Variants in ANKRD60 observed in about 807,000 individuals in gnomAD.
The protein encoded by ANKRD60 is ankyrin repeat domain-containing protein 60.
Under a neutral mutation model 21.3 loss-of-function variants are expected in ANKRD60, and 24 were observed. The ratio of observed to expected loss-of-function variants is 1.13; its 90% CI spans 0.82 to 1.59. The LOEUF is 1.59. Among genes scored for constraint, ANKRD60 ranks in the 40% most tolerant of loss-of-function variants. The pLI, the probability that ANKRD60 is intolerant of heterozygous loss-of-function variation, is 0.00. For synonymous variants in ANKRD60, 182 were observed against 199.4 expected (o/e 0.91, Z 0.74); for missense variants, 490 against 466.7 (o/e 1.05, Z -0.46).
At chr20:58,225,708 C>T (rs1984350392) in intron 1 of ANKRD60, among the ~76,000 whole-genome samples, 1 of 152,188 alleles carries the variant, frequency 6.6e-6, no homozygotes, top group African/African-American at 2.4e-5. Flanking sequence ...CTCCCCAGCC[C>T]CTGCAGTACA....
At chr20:58,221,264 C>T in intron 3 of ANKRD60, 74 bp downstream of exon 3, 1 of 1,459,012 alleles carries the variant, frequency 6.9e-7, no homozygotes. Context: ...GGACTGGGAA[C>T]ACAAGACACT....
intron 1 of ANKRD60, among the ~76,000 whole-genome samples, chr20:58,224,116 G>A (rs1016877249): frequency 6.6e-6 from 1 of 150,938 alleles, no homozygotes; most frequent in Non-Finnish European, 1.5e-5. Flanking sequence ...AAAAAAAAAG[G>A]CTCCAGACAT....
chr20:58,216,553 G>T (rs1984140377), downstream of ANKRD60, among the ~76,000 whole-genome samples: 1 of 152,198 alleles, frequency 6.6e-6, no homozygotes, highest in South Asian at 2.1e-4. Context: ...TATTGACTTT[G>T]CAGAACGTCT....
At chr20:58,222,296 G>A (rs1386163028) in intron 2 of ANKRD60, among the ~76,000 whole-genome samples, 1 of 152,100 alleles carries the variant, frequency 6.6e-6, no homozygotes, top group East Asian at 1.9e-4. Context: ...GCCCCATCCT[G>A]CCTACCCTCC....
chr20:58,228,222 A>C lies in ANKRD60; in HGVS notation c.430+2T>G, dbSNP rs1600686177. On this transcript the variant is annotated splice_donor_variant, in intron 1 of 3. Transcript: ENST00000457363. LOFTEE classifies it high-confidence loss of function. The surrounding 1 kb of genome is among the most constrained non-coding windows in gnomAD (Gnocchi z 5.3). ...CAGGGAAGGAGTCAGGGCAGGAGCC[A>C]CCTTCGTCGAGGTACTGGAGCCGCT... is the stretch of plus-strand genomic sequence containing the variant. 1 of 1,545,730 alleles carries C rather than the reference A, an allele frequency of 6.5e-7. No homozygotes were observed. The highest frequency in any genetic ancestry group is 8.7e-7 in the Non-Finnish European group (1 of 1,143,302).
rs1217460282 is a variant in ANKRD60 at position 58,228,141 on chromosome 20, C to T, written c.430+83G>A. 4 of 1,338,732 alleles carry T rather than the reference C, an allele frequency of 3.0e-6. No homozygotes were observed. In the African/African-American group the frequency reaches 4.5e-5, roughly 15 times the overall value. The allele number at this position is 1,338,732 out of a possible 1,614,324, so 82.9% of individuals were successfully genotyped here. A position where few individuals can be genotyped will look rare whatever the true frequency, so the allele number is the denominator to read the frequency against. On this transcript the variant is annotated intron_variant, in intron 1 of 3. Transcript: ENST00000457363. The surrounding 1 kb of genome is among the most constrained non-coding windows in gnomAD (Gnocchi z 5.3). ...TGACATCTGGGGTTTCTCACGTAAGCAGGCTTCCCTTTGGGAATCCACTTC... is the reference window on the plus strand; with the variant it reads ...TGACATCTGGGGTTTCTCACGTAAGTAGGCTTCCCTTTGGGAATCCACTTC...
At chr20:58,223,222 T>C in intron 1 of ANKRD60, 40 bp from the exon 2 acceptor site, 1 of 1,515,880 alleles carries the variant, frequency 6.6e-7, no homozygotes, top group Non-Finnish European at 8.9e-7. Flanking sequence ...AAATTGGGTA[T>C]TAAAGATAAA....
chr20:58,216,366 T>C (rs930351038), downstream of ANKRD60, among the ~76,000 whole-genome samples: 5 of 152,144 alleles, frequency 3.3e-5, no homozygotes, highest in African/African-American at 1.2e-4. Flanking sequence ...GAATTTTACA[T>C]ATAGGAGTCA....
Position 58,228,140 on chromosome 20 carries a change from G to T in ANKRD60, c.430+84C>A. 7.5e-7 allele frequency: 1 copy of T among 1,335,984 alleles called. No individual in the cohort carries two copies. The highest frequency in any genetic ancestry group is 1.0e-6 in the Non-Finnish European group (1 of 988,488). 82.8% of individuals were successfully genotyped at this position (1,335,984 alleles called of 1,614,324 possible). On this transcript the variant is annotated intron_variant, in intron 1 of 3. Coordinates refer to ENST00000457363, the Ensembl canonical transcript of ANKRD60. The surrounding 1 kb of genome is among the most constrained non-coding windows in gnomAD (Gnocchi z 5.3). ...TTGACATCTGGGGTTTCTCACGTAA[G>T]CAGGCTTCCCTTTGGGAATCCACTT...
chr20:58,222,383 C>T (rs1049334287), intron 2 of ANKRD60, among the ~76,000 whole-genome samples: 1 of 152,230 alleles, frequency 6.6e-6, no homozygotes, highest in African/African-American at 2.4e-5. Context: ...GCCCCTGCTA[C>T]ACCCAGCCTT....
chr20:58,227,846 AC>A (rs2122816020), intron 1 of ANKRD60, among the ~76,000 whole-genome samples: 1 of 151,896 alleles, frequency 6.6e-6, no homozygotes, highest in South Asian at 2.1e-4. Context: ...TGGCTTTGGG[AC>A]CTGGGTTCCT....
intron 3 of ANKRD60, among the ~76,000 whole-genome samples, chr20:58,220,782 C>A (rs1600682902): frequency 1.3e-5 from 2 of 151,538 alleles, no homozygotes; most frequent in East Asian, 1.9e-4. Context: ...GTACGTGCCA[C>A]CACACCCAGC....
chr20:58,228,383 G>A lies in ANKRD60; in HGVS notation c.271C>T (p.Pro91Ser). 6.5e-7 allele frequency: 1 copy of A among 1,548,160 alleles called. No homozygotes were observed. Among genetic ancestry groups the A allele is most frequent in the Non-Finnish European group, 8.7e-7 (1 of 1,146,798 alleles). ...CGCACCCGCAGGACGAAGACGTCAG[G>A]GGCCAAGTCGGGCAAGGCACTCGCG... Residue 91 changes from proline (P) to serine (S), a missense_variant, in exon 1 of 4, where the codon CCT becomes TCT. By Grantham distance (74) the Pro-to-Ser change is moderately conservative (BLOSUM62 -1). Transcript: ENST00000457363. This position sits in a 1 kb window ranked among gnomAD's most constrained non-coding sequence, Gnocchi z 5.3.
chr20:58,219,753 G>A (rs567319913), intron 3 of ANKRD60, among the ~76,000 whole-genome samples: 1 of 152,274 alleles, frequency 6.6e-6, no homozygotes, highest in South Asian at 2.1e-4. Context: ...CACCAGTGTC[G>A]ACCATGACAC....
At chr20:58,217,254 C>A (rs907592970), downstream of ANKRD60, among the ~76,000 whole-genome samples, 1 of 152,034 alleles carries the variant, frequency 6.6e-6, no homozygotes, top group African/African-American at 2.4e-5. Context: ...CGTGGTGAAA[C>A]CCCATCTCTA....
intron 2 of ANKRD60, among the ~76,000 whole-genome samples, chr20:58,222,290 C>T (rs1401370288): frequency 6.6e-6 from 1 of 152,066 alleles, no homozygotes; most frequent in African/African-American, 2.4e-5. Flanking sequence ...GACAGGGCCC[C>T]ATCCTGCCTA....
chr20:58,228,467 C>G lies in ANKRD60; in HGVS notation c.187G>C (p.Ala63Pro), dbSNP rs1367966313. ...CCGCGGGCACAGGCCAGGGGCTGCG[C>G]GGGGAGGGCCCGCGAGTCCGCCGAG... Residue 63 changes from alanine to proline, a missense_variant, in exon 1 of 4, where the codon GCG (alanine) becomes CCG (proline). Physicochemically the swap from Ala to Pro is conservative, Grantham distance 27 (BLOSUM62 -1). Transcript: ENST00000457363. The surrounding 1 kb of genome is among the most constrained non-coding windows in gnomAD (Gnocchi z 5.3). 6.6e-7 allele frequency: 1 copy of G among 1,523,772 alleles called. No individual in the cohort carries two copies. The highest frequency in any genetic ancestry group is 8.8e-7 in the Non-Finnish European group (1 of 1,140,544). The allele number at this position is 1,523,772 out of a possible 1,614,324, so 94.4% of individuals were successfully genotyped here.
rs769821662 is a variant in ANKRD60 at position 58,228,352 on chromosome 20, T to C, written c.302A>G (p.Glu101Gly). 1.6e-5 allele frequency: 25 copies of C among 1,549,744 alleles called. No homozygotes were observed. In the East Asian group the frequency reaches 4.4e-4, roughly 27 times the overall value. The change falls in exon 1 of 4, where the codon GAG becomes GGG. Residue 101 changes from glutamate (E) to glycine (G), a missense_variant. By Grantham distance (98) the Glu-to-Gly change is moderately conservative. Transcript: ENST00000457363. The surrounding 1 kb of genome is among the most constrained non-coding windows in gnomAD (Gnocchi z 5.3). ...CACTCGGAACATCTCCCCCGTCTCC[T>C]CCAGCCGCACCCGCAGGACGAAGAC... is the stretch of plus-strand genomic sequence containing the variant.
At chr20:58,223,617 G>C (rs751538630) in intron 1 of ANKRD60, among the ~76,000 whole-genome samples, 11 of 152,150 alleles carry the variant, frequency 7.2e-5, no homozygotes, top group Non-Finnish European at 1.5e-4. Context: ...TGGCTAAAGA[G>C]GTGACAATGA....
Sources: allele counts gnomAD v4.1 joint callset (sites outside exome capture counted in the v4.1 genomes callset), GRCh38; gene constraint gnomAD v4.1.1; non-coding constraint Gnocchi (gnomAD v3.1); transcripts MANE v1.5; gene names NCBI Gene and HGNC (gene_info 2026-07-23, HGNC 2026-07-21).